Variants in CAMKMT observed in about 807,000 individuals in gnomAD.
The protein encoded by CAMKMT is CaM KMT.
Under a neutral mutation model 48.0 loss-of-function variants are expected in CAMKMT, and 53 were observed. That is an observed-to-expected ratio of 1.10 (90% CI 0.89 to 1.39). The LOEUF is 1.39. CAMKMT is among the 40% of genes most tolerant of loss of function. The pLI, the probability that CAMKMT is intolerant of heterozygous loss-of-function variation, is 0.00. For missense variants in CAMKMT, 428 were observed against 402.7 expected (o/e 1.06, Z -0.54); for synonymous variants, 165 against 152.3 (o/e 1.08, Z -0.61).
intron 3 of CAMKMT, among the ~76,000 whole-genome samples, chr2:44,412,079 A>G (rs968594760): frequency 2.0e-4 from 30 of 147,916 alleles, no homozygotes; most frequent in African/African-American, 6.9e-4. Context: ...GGATAAAGAC[A>G]TTATCAGAGA....
intron 3 of CAMKMT, among the ~76,000 whole-genome samples, chr2:44,576,327 T>TAAAAA (rs569571059): frequency 2.0e-4 from 15 of 76,396 alleles, no homozygotes; most frequent in South Asian, 4.3e-4. Context: ...AAACTCTGTC[T>TAAAAA]AAAAAAAAAA....
chr2:44,625,767 C>T (rs953773424), intron 3 of CAMKMT, among the ~76,000 whole-genome samples: 1 of 152,048 alleles, frequency 6.6e-6, no homozygotes, highest in African/African-American at 2.4e-5. Flanking sequence ...GTGAAAAGAT[C>T]ATCTTTTCTC....
chr2:44,674,372 C>T (rs1416269361), intron 3 of CAMKMT, among the ~76,000 whole-genome samples: 1 of 152,210 alleles, frequency 6.6e-6, no homozygotes, highest in Non-Finnish European at 1.5e-5. Flanking sequence ...AGACTATCAG[C>T]ATCTTGACTG....
Position 44,627,697 on chromosome 2 carries a change from CTTTTTTTT to C in CAMKMT, c.377-76563_377-76556del, listed in dbSNP as rs1174344846. 6.5e-3 allele frequency among the ~76,000 whole-genome samples: 487 copies of C among 75,056 alleles called. 12 individuals carry two copies. The highest frequency in any genetic ancestry group is 0.028 in the African/African-American group (466 of 16,680). The allele number at this position is 75,056 out of a possible 152,430, so 49.2% of individuals were successfully genotyped here. A position where few individuals can be genotyped will look rare whatever the true frequency, so the allele number is the denominator to read the frequency against. The stretch of plus-strand genomic sequence containing the variant: ...TTATTTATAATGGTCCCATTTTATC[CTTTTTTTT>C]TTTTTTTTTTTTTTTTTTTTTTGAG... On this transcript the variant is annotated intron_variant, in intron 3 of 10. Transcript: ENST00000378494.
chr2:44,609,640 C>G (rs1252879765), intron 3 of CAMKMT, among the ~76,000 whole-genome samples: 1 of 152,180 alleles, frequency 6.6e-6, no homozygotes, highest in African/African-American at 2.4e-5. Context: ...TGCTTCTTGA[C>G]CATTGCAATT....
At chr2:44,571,769 T>A (rs1668915197) in intron 3 of CAMKMT, among the ~76,000 whole-genome samples, 1 of 151,906 alleles carries the variant, frequency 6.6e-6, no homozygotes. Flanking sequence ...AACTAGGGAG[T>A]TCGAGACCAG....
At chr2:44,587,079 T>C (rs937446128) in intron 3 of CAMKMT, among the ~76,000 whole-genome samples, 20 of 152,196 alleles carry the variant, frequency 1.3e-4, no homozygotes, top group Admixed American at 7.8e-4. Flanking sequence ...GTATCTTCTT[T>C]GGTTGAGTGT....
chr2:44,522,517 G>A (rs1046288338), intron 3 of CAMKMT, among the ~76,000 whole-genome samples: 1 of 152,122 alleles, frequency 6.6e-6, no homozygotes, highest in Non-Finnish European at 1.5e-5. Flanking sequence ...ATCACAGGAG[G>A]TCTTCTACAC....
At chr2:44,569,472 T>C (rs1200996317) in intron 3 of CAMKMT, among the ~76,000 whole-genome samples, 1 of 152,254 alleles carries the variant, frequency 6.6e-6, no homozygotes, top group Admixed American at 6.5e-5. Flanking sequence ...TAACCTTACA[T>C]TCCCAATCTG....
chr2:44,523,503 C>T (rs1441361082), intron 3 of CAMKMT, among the ~76,000 whole-genome samples: 1 of 151,872 alleles, frequency 6.6e-6, no homozygotes, highest in African/African-American at 2.4e-5. Flanking sequence ...CCATGTTGGC[C>T]AGGCTGGTCT....
At chr2:44,527,631 G>C (rs1441844140) in intron 3 of CAMKMT, among the ~76,000 whole-genome samples, 2 of 151,464 alleles carry the variant, frequency 1.3e-5, no homozygotes, top group African/African-American at 4.9e-5. Flanking sequence ...AGAAGCAGCA[G>C]TGTTCTGATT....
chr2:44,450,293 C>T (rs775609613), intron 3 of CAMKMT, among the ~76,000 whole-genome samples: 3 of 152,088 alleles, frequency 2.0e-5, no homozygotes, highest in Non-Finnish European at 4.4e-5. Context: ...CTTCCATGTG[C>T]CTTGAATGGC....
At chr2:44,707,309 A>G (rs772249376) in intron 5 of CAMKMT, 90 bp from the exon 6 acceptor site, 16 of 1,033,986 alleles carry the variant, frequency 1.5e-5, no homozygotes, top group Non-Finnish European at 2.2e-5. Context: ...GTGAGGAAGC[A>G]TGATACTGAA....
intron 3 of CAMKMT, among the ~76,000 whole-genome samples, chr2:44,530,837 T>C (rs956770067): frequency 9.9e-4 from 151 of 152,168 alleles, no homozygotes; most frequent in African/African-American, 3.5e-3. Context: ...ATTAAAAATG[T>C]CCACTATTTA....
chr2:44,746,077 T>C (rs1679904960), intron 8 of CAMKMT, among the ~76,000 whole-genome samples: 1 of 152,128 alleles, frequency 6.6e-6, no homozygotes, highest in Non-Finnish European at 1.5e-5. Flanking sequence ...CAGGAAGAGG[T>C]GCCACACATA....
At chr2:44,764,556 T>C (rs979159009) in intron 9 of CAMKMT, among the ~76,000 whole-genome samples, 3 of 152,224 alleles carry the variant, frequency 2.0e-5, no homozygotes, top group Non-Finnish European at 4.4e-5. Context: ...CTACATTATT[T>C]CCAAGCTTCC....
chr2:44,766,659 T>C, intron 10 of CAMKMT, 98 bp downstream of exon 10: 1 of 1,317,558 alleles, frequency 7.6e-7, no homozygotes, highest in Non-Finnish European at 1.1e-6. Flanking sequence ...TTGATTAAAG[T>C]ACTCCTTAGA....
chr2:44,655,775 G>A (rs1674346368), intron 3 of CAMKMT, among the ~76,000 whole-genome samples: 1 of 152,142 alleles, frequency 6.6e-6, no homozygotes, highest in Admixed American at 6.5e-5. Context: ...TACCGAGCTT[G>A]TTCAACTTGA....
intron 1 of CAMKMT, among the ~76,000 whole-genome samples, chr2:44,364,187 T>G (rs191409608): frequency 6.6e-6 from 1 of 152,162 alleles, no homozygotes; most frequent in African/African-American, 2.4e-5. Flanking sequence ...ACAGCACTTA[T>G]GTTCATTCTA....
Sources: gnomAD v4.1 joint callset for allele counts (sites outside exome capture counted in the v4.1 genomes callset) on GRCh38, gnomAD v4.1.1 for gene constraint, MANE v1.5 for transcripts, NCBI Gene and HGNC (gene_info 2026-07-23, HGNC 2026-07-21) for gene names.